Variants in PKIB observed in about 807,000 individuals in gnomAD.
The protein encoded by PKIB is cAMP-dependent protein kinase inhibitor beta, also known as PKI-beta.
In PKIB, 2 loss-of-function variants were observed where a neutral mutation model predicts 4.5. The observed-to-expected ratio is 0.44, with a 90% CI of 0.18 to 1.39. The LOEUF (loss-of-function observed/expected upper bound fraction) is 1.39. PKIB is among the 40% of genes most tolerant of loss of function. The pLI is 0.27. For missense variants in PKIB, 94 were observed against 92.6 expected (o/e 1.02, Z -0.06); for synonymous variants, 38 against 36.0 (o/e 1.06, Z -0.20).
chr6:122,602,579 C>A (rs1183787065), intron 3 of PKIB, among the ~76,000 whole-genome samples: 2 of 151,552 alleles, frequency 1.3e-5, no homozygotes, highest in East Asian at 3.9e-4. Flanking sequence ...TAATTCCTTA[C>A]AAAAAAAGAC....
chr6:122,585,111 T>A (rs1045452480), intron 2 of PKIB, among the ~76,000 whole-genome samples: 3 of 152,154 alleles, frequency 2.0e-5, no homozygotes, highest in African/African-American at 7.2e-5. Flanking sequence ...CTGGGCACAC[T>A]GCATATAGGA....
At chr6:122,662,307 C>T (rs1455622959) in intron 2 of PKIB, among the ~76,000 whole-genome samples, 10 of 14,522 alleles carry the variant, frequency 6.9e-4, no homozygotes, top group African/African-American at 1.8e-3. Flanking sequence ...TTCCTTGTCT[C>T]CTTTTTTTTT....
chr6:122,481,246 G>A (rs1775601487), intron 2 of PKIB: 1 of 152,148 alleles, frequency 6.6e-6, no homozygotes, highest in Non-Finnish European at 1.5e-5. Flanking sequence ...AATAAATCAT[G>A]AAGAAATATC....
chr6:122,474,758 G>A (rs1775410435), intron 1 of PKIB, among the ~76,000 whole-genome samples: 1 of 152,198 alleles, frequency 6.6e-6, no homozygotes, highest in South Asian at 2.1e-4. Context: ...CTATAGACAG[G>A]CTTAAGGTTT....
intron 3 of PKIB, among the ~76,000 whole-genome samples, chr6:122,602,690 G>A (rs1299602218): frequency 4.6e-5 from 7 of 152,066 alleles, no homozygotes; most frequent in African/African-American, 1.4e-4. Context: ...CGAGGCAGGC[G>A]GATTGTTTGA....
intron 3 of PKIB, among the ~76,000 whole-genome samples, chr6:122,700,310 G>A (rs1270209639): frequency 6.7e-6 from 1 of 148,636 alleles, no homozygotes; most frequent in African/African-American, 2.5e-5. Context: ...TGGTGGTGGG[G>A]TGGTGGTGTG....
At chr6:122,560,599 T>C (rs892926796) in intron 2 of PKIB, among the ~76,000 whole-genome samples, 13 of 152,266 alleles carry the variant, frequency 8.5e-5, no homozygotes, top group East Asian at 5.8e-4. Context: ...TGTGGAATAG[T>C]GTCAAAAGGA....
At chr6:122,511,278 T>C (rs1027733362) in intron 2 of PKIB, among the ~76,000 whole-genome samples, 7 of 152,304 alleles carry the variant, frequency 4.6e-5, no homozygotes, top group African/African-American at 1.7e-4. Context: ...AGCACAAAAT[T>C]GTTCCACAGC....
At chr6:122,610,975 A>T (rs537991225) in intron 1 of PKIB, among the ~76,000 whole-genome samples, 11 of 152,354 alleles carry the variant, frequency 7.2e-5, no homozygotes, top group Non-Finnish European at 1.5e-4. Context: ...CCCGAGTACT[A>T]ACCCGCTCGG....
At chr6:122,658,290 C>T (rs931657385) in intron 2 of PKIB, among the ~76,000 whole-genome samples, 1 of 151,984 alleles carries the variant, frequency 6.6e-6, no homozygotes, top group South Asian at 2.1e-4. Context: ...AAATTAGTTA[C>T]TGTATAATTA....
At chr6:122,582,253 C>T (rs1253149873) in intron 2 of PKIB, among the ~76,000 whole-genome samples, 1 of 151,862 alleles carries the variant, frequency 6.6e-6, no homozygotes, top group Non-Finnish European at 1.5e-5. Flanking sequence ...CTATTCTTCA[C>T]CAAGCAGAAC....
intron 2 of PKIB, among the ~76,000 whole-genome samples, chr6:122,503,274 T>A (rs1402875692): frequency 1.3e-5 from 2 of 152,200 alleles, no homozygotes; most frequent in African/African-American, 4.8e-5. Flanking sequence ...GAAATGTTCA[T>A]GTAGCAATTC....
chr6:122,660,851 T>C (rs1383735929), intron 2 of PKIB, among the ~76,000 whole-genome samples: 1 of 152,182 alleles, frequency 6.6e-6, no homozygotes, highest in Non-Finnish European at 1.5e-5. Context: ...ATCTCTGCAA[T>C]AAATATTACC....
At chr6:122,701,645 C>A in intron 3 of PKIB, 1 of 912,938 alleles carries the variant, frequency 1.1e-6, no homozygotes, top group South Asian at 1.7e-5. Flanking sequence ...TAACTCAGAA[C>A]CAAATAACCA....
chr6:122,699,146 G>A (rs1778693995), intron 3 of PKIB, among the ~76,000 whole-genome samples: 1 of 152,006 alleles, frequency 6.6e-6, no homozygotes, highest in Non-Finnish European at 1.5e-5. Context: ...CCCTTGAGTA[G>A]CCTGGTAAAA....
At position 122,725,157 on chromosome 6, in the gene PKIB, C is replaced by G; in HGVS notation, c.199C>G (p.Gln67Glu). Residue 67 changes from glutamine (Q) to glutamate (E), a missense_variant, in exon 5 of 5, where the codon CAA (glutamine) becomes GAA (glutamate). Transcript: ENST00000368452. The stretch of plus-strand genomic sequence containing the variant: ...AAAAGAGAAAGATGAAAAAACAACA[C>G]AAGACCAATTGGAAAAGCCTCAAAA... ...DAKEKDEKTT[Q>E]DQLEKPQNEE... 6.2e-7 allele frequency: 1 copy of G among 1,611,166 alleles called. No individual in the cohort carries two copies. Among genetic ancestry groups the G allele is most frequent in the Non-Finnish European group, 8.5e-7 (1 of 1,178,832 alleles).
chr6:122,531,738 A>G (rs1266590538), intron 2 of PKIB, among the ~76,000 whole-genome samples: 3 of 152,144 alleles, frequency 2.0e-5, no homozygotes, highest in African/African-American at 7.2e-5. Flanking sequence ...GGGATAGCAC[A>G]TTGTTCTCTA....
chr6:122,497,173 T>G (rs1465530107), intron 2 of PKIB, among the ~76,000 whole-genome samples: 1 of 152,142 alleles, frequency 6.6e-6, no homozygotes, highest in Non-Finnish European at 1.5e-5. Context: ...AGACAAGAAA[T>G]CACTAGGGGA....
chr6:122,572,439 GAC>G (rs1179769130), intron 2 of PKIB, among the ~76,000 whole-genome samples: 7 of 151,976 alleles, frequency 4.6e-5, no homozygotes, highest in Non-Finnish European at 8.8e-5. Flanking sequence ...ATGATAAAGT[GAC>G]ACAACTTATC....
Sources: allele counts gnomAD v4.1 joint callset (sites outside exome capture counted in the v4.1 genomes callset), GRCh38; gene constraint gnomAD v4.1.1; transcripts MANE v1.5; gene names NCBI Gene and HGNC (gene_info 2026-07-23, HGNC 2026-07-21).